HHAT: variants seen among roughly 807,000 people sequenced by gnomAD.
HHAT encodes hedgehog acyltransferase, also known as protein-cysteine N-palmitoyltransferase HHAT.
In HHAT, 47 loss-of-function variants were observed where a neutral mutation model predicts 70.8. The observed-to-expected ratio is 0.66, with a 90% CI of 0.53 to 0.85. The LOEUF (loss-of-function observed/expected upper bound fraction) is 0.85, where lower values mean the gene tolerates loss of function less well. HHAT is among the 40% of genes least tolerant of loss of function. HHAT has a pLI of 0.00. For synonymous variants in HHAT, 228 were observed against 247.6 expected, an observed-to-expected ratio of 0.92 and a Z score of 0.74; for missense variants, 609 against 604.8, an observed-to-expected ratio of 1.01 and a Z score of -0.07.
In HHAT at chr1:210,594,507, ACTAT is replaced by A. The variant is rs375637336; in HGVS notation, c.1245+6413_1245+6416del. The stretch of plus-strand genomic sequence containing the variant: ...GTTGTTTTTGTTTATGTCTCATTGT[ACTAT>A]CTATGTCTTTAAAAGTTGTTGTTGT... On this transcript the variant is annotated intron_variant, in intron 10 of 11. Transcript: ENST00000261458. 8.7e-3 allele frequency among the ~76,000 whole-genome samples: 1,327 copies of A among 152,270 alleles called. 18 individuals are homozygous for A. Among genetic ancestry groups the A allele is most frequent in the African/African-American group, 0.026 (1,092 of 41,552 alleles).
intron 6 of HHAT, among the ~76,000 whole-genome samples, chr1:210,407,418 C>G (rs966669326): frequency 8.5e-5 from 13 of 152,192 alleles, no homozygotes; most frequent in Non-Finnish European, 1.8e-4. Flanking sequence ...CAGCAGTGCC[C>G]CATTGTGGAA....
chr1:210,365,520 A>G (rs894951458), intron 3 of HHAT, among the ~76,000 whole-genome samples: 1 of 151,764 alleles, frequency 6.6e-6, no homozygotes, highest in Non-Finnish European at 1.5e-5. Context: ...GTTTCGCCAT[A>G]TTAGCCATGC....
chr1:210,373,833 A>G (rs982617481), intron 3 of HHAT, among the ~76,000 whole-genome samples: 3 of 152,216 alleles, frequency 2.0e-5, no homozygotes, highest in Non-Finnish European at 2.9e-5. Flanking sequence ...TTTTTTGCAG[A>G]CAGGCAACCA....
intron 2 of HHAT, among the ~76,000 whole-genome samples, chr1:210,359,599 G>A (rs78015933): frequency 0.037 from 5,560 of 152,112 alleles, 137 homozygotes; most frequent in Non-Finnish European, 0.057. Context: ...ATCAGCCCTG[G>A]CCCTCTACCT....
At chr1:210,569,398 A>AAAAG (rs1307831080) in intron 9 of HHAT, among the ~76,000 whole-genome samples, 19 of 148,158 alleles carry the variant, frequency 1.3e-4, no homozygotes, top group African/African-American at 4.7e-4. Flanking sequence ...AAAAAAAAAA[A>AAAAG]AGCGTATAGC....
At chr1:210,405,758 T>G (rs564076317) in intron 6 of HHAT, among the ~76,000 whole-genome samples, 2 of 152,380 alleles carry the variant, frequency 1.3e-5, no homozygotes, top group South Asian at 4.1e-4. Context: ...TAACTTTTTA[T>G]ATCTCTAGAA....
chr1:210,334,695 A>ATT (rs545993287), intron 1 of HHAT, among the ~76,000 whole-genome samples: 3 of 144,046 alleles, frequency 2.1e-5, no homozygotes, highest in Admixed American at 1.4e-4. Context: ...TTTTATTTTT[A>ATT]TTTTTTTTTT....
intron 10 of HHAT, among the ~76,000 whole-genome samples, chr1:210,622,907 A>T (rs895009613): frequency 3.9e-5 from 6 of 152,224 alleles, no homozygotes; most frequent in African/African-American, 1.4e-4. Flanking sequence ...GTAGGTTTAC[A>T]TGCAGAAAGC....
chr1:210,589,604 A>G (rs1558226605), intron 10 of HHAT: 4 of 152,380 alleles, frequency 2.6e-5, no homozygotes, highest in Admixed American at 2.6e-4. Context: ...TTCATGAAGC[A>G]AGTAACATTA....
At chr1:210,585,139 G>A (rs1310715478) in intron 9 of HHAT, among the ~76,000 whole-genome samples, 3 of 149,492 alleles carry the variant, frequency 2.0e-5, no homozygotes, top group Non-Finnish European at 2.9e-5. Context: ...TGTAATGGAA[G>A]CAGTAAGTTG....
At chr1:210,633,861 C>A (rs1479991442) in intron 11 of HHAT, among the ~76,000 whole-genome samples, 4 of 152,174 alleles carry the variant, frequency 2.6e-5, no homozygotes, top group African/African-American at 7.2e-5. Flanking sequence ...CTCTCTGCGC[C>A]CTTTTGTTCT....
chr1:210,559,120 C>T (rs1273265002), intron 9 of HHAT, among the ~76,000 whole-genome samples: 1 of 152,176 alleles, frequency 6.6e-6, no homozygotes, highest in Non-Finnish European at 1.5e-5. Context: ...ACTTATAAGG[C>T]AGAATCCATA....
intron 9 of HHAT, among the ~76,000 whole-genome samples, chr1:210,531,479 G>A (rs1230253664): frequency 4.6e-5 from 7 of 152,178 alleles, no homozygotes; most frequent in African/African-American, 1.7e-4. Flanking sequence ...GTCAATACAG[G>A]CTGCAGAGAG....
intron 10 of HHAT, among the ~76,000 whole-genome samples, chr1:210,593,979 A>G (rs1233621492): frequency 1.3e-5 from 2 of 152,090 alleles, no homozygotes; most frequent in Admixed American, 6.6e-5. Flanking sequence ...TGATTTAAGT[A>G]TAGCTGCTGA....
chr1:210,635,376 T>C (rs1159139628), intron 11 of HHAT, among the ~76,000 whole-genome samples: 2 of 152,190 alleles, frequency 1.3e-5, no homozygotes, highest in African/African-American at 4.8e-5. Context: ...TGCTGAGGTG[T>C]GTGCACTTCA....
At chr1:210,438,794 C>G (rs2093438219) in intron 7 of HHAT, among the ~76,000 whole-genome samples, 3 of 151,956 alleles carry the variant, frequency 2.0e-5, no homozygotes, top group Admixed American at 2.0e-4. Flanking sequence ...ATATTGAGCA[C>G]TTAATCTGTG....
At chr1:210,427,304 C>T (rs2093093965) in intron 7 of HHAT, among the ~76,000 whole-genome samples, 1 of 151,988 alleles carries the variant, frequency 6.6e-6, no homozygotes, top group Admixed American at 6.6e-5. Context: ...CTAATCCTTT[C>T]AGTTCAGCTC....
chr1:210,667,954 T>C (rs1679268754), intron 11 of HHAT, among the ~76,000 whole-genome samples: 1 of 152,194 alleles, frequency 6.6e-6, no homozygotes, highest in Non-Finnish European at 1.5e-5. Context: ...TTATACCCAT[T>C]AAACACTGCC....
intron 9 of HHAT, among the ~76,000 whole-genome samples, chr1:210,584,547 T>TG (rs1558214338): frequency 6.6e-6 from 1 of 152,042 alleles, no homozygotes; most frequent in Non-Finnish European, 1.5e-5. Context: ...AAGCAGCCTC[T>TG]GGGGGGCAGC....
Sources: gnomAD v4.1 joint callset for allele counts (sites outside exome capture counted in the v4.1 genomes callset) on GRCh38, gnomAD v4.1.1 for gene constraint, MANE v1.5 for transcripts, NCBI Gene and HGNC (gene_info 2026-07-23, HGNC 2026-07-21) for gene names.